Variants in MACF1 observed in about 807,000 individuals in gnomAD.
MACF1 encodes microtubule-actin cross-linking factor 1.
MACF1 carries 193 observed loss-of-function variants against 854.8 expected under a neutral mutation model. That is an observed-to-expected ratio of 0.23 (90% CI 0.20 to 0.25). MACF1 has a LOEUF of 0.25. Among genes scored for constraint, MACF1 ranks in the 10% least tolerant of loss-of-function variants. The probability of loss-of-function intolerance (pLI) is 1.00; values close to 1 mark genes in which losing one functional copy is unlikely to be tolerated. For synonymous variants in MACF1, 3,185 were observed against 3,226.7 expected (o/e 0.99, Z 0.44); for missense variants, 7,722 against 8,929.1 (o/e 0.86, Z 5.45).
intron 2 of MACF1, among the ~76,000 whole-genome samples, chr1:39,145,010 G>A (rs536240734): frequency 3.3e-5 from 5 of 152,016 alleles, no homozygotes; most frequent in African/African-American, 1.2e-4. Context: ...AATAGGGCTC[G>A]TACTGGCATT....
intron 68 of MACF1, 130 bp downstream of exon 68, chr1:39,433,285 G>C (rs1643907191): frequency 1.8e-6 from 1 of 554,768 alleles, no homozygotes; most frequent in Admixed American, 3.4e-5. Flanking sequence ...TTAAAGTCCA[G>C]CTTGATGTTC....
At chr1:39,185,108 G>A (rs904225409) in intron 2 of MACF1, among the ~76,000 whole-genome samples, 2 of 151,872 alleles carry the variant, frequency 1.3e-5, no homozygotes, top group African/African-American at 2.4e-5. Flanking sequence ...TGGCTAACAC[G>A]GTGAAACCCC....
chr1:39,258,779 G>A (rs1424208038), intron 6 of MACF1, among the ~76,000 whole-genome samples: 1 of 152,224 alleles, frequency 6.6e-6, no homozygotes, highest in Admixed American at 6.5e-5. Flanking sequence ...ATAGAAGGCA[G>A]GGTGCCGACT....
At chr1:39,349,776 C>T in intron 42 of MACF1, 149 bp downstream of exon 42, 1 of 763,792 alleles carries the variant, frequency 1.3e-6, no homozygotes, top group Non-Finnish European at 2.0e-6. Flanking sequence ...GGGACAAAGT[C>T]ATGAGCCACC....
chr1:39,430,058 A>G lies in MACF1; in HGVS notation c.17120A>G (p.Gln5707Arg), dbSNP rs1179114178. 1 of 1,613,838 alleles carries G rather than the reference A, an allele frequency of 6.2e-7. No homozygotes were observed. The highest frequency in any genetic ancestry group is 1.7e-4 in the Middle Eastern group (1 of 6,050). Residue 5707 changes from glutamine to arginine, a missense_variant, in exon 65 of 101, where the codon CAG (glutamine) becomes CGG (arginine). Gln to Arg is a conservative substitution (Grantham distance 43). Transcript: ENST00000564288. ...GGGGAACAGATACCCCAGTTTCAGC[A>G]GAGACAGAAGGTGAGCTGTTACTTT... is the stretch of plus-strand genomic sequence containing the variant. ...PTGEQIPQFQQRQKELKKEVM... is the reference protein window; with the variant it reads ...PTGEQIPQFQRRQKELKKEVM...
At chr1:39,265,465 A>G (rs1413843343) in intron 6 of MACF1, among the ~76,000 whole-genome samples, 1 of 152,232 alleles carries the variant, frequency 6.6e-6, no homozygotes, top group Non-Finnish European at 1.5e-5. Flanking sequence ...TCTCGTAATC[A>G]GAATTAACTT....
intron 59 of MACF1, 78 bp downstream of exon 59, chr1:39,422,613 A>T: frequency 6.5e-7 from 1 of 1,544,220 alleles, no homozygotes; most frequent in Non-Finnish European, 8.8e-7. Flanking sequence ...GGTTTCCCGA[A>T]ACCTGAATGG....
At chr1:39,242,425 G>T (rs1425310632) in intron 2 of MACF1, among the ~76,000 whole-genome samples, 3 of 151,408 alleles carry the variant, frequency 2.0e-5, no homozygotes, top group Non-Finnish European at 2.9e-5. Context: ...ATTGGACTTG[G>T]TCTCTCAAAA....
At chr1:39,180,742 C>T (rs940282942) in intron 2 of MACF1, among the ~76,000 whole-genome samples, 1 of 152,170 alleles carries the variant, frequency 6.6e-6, no homozygotes, top group Non-Finnish European at 1.5e-5. Flanking sequence ...GTAGAATGAG[C>T]CAAGGTCAGT....
intron 80 of MACF1, 24 bp from the exon 81 acceptor site, chr1:39,447,408 G>A: frequency 6.2e-7 from 1 of 1,612,210 alleles, no homozygotes; most frequent in Non-Finnish European, 8.5e-7. Flanking sequence ...CTTTCTGTGT[G>A]TGTGTGTTTT....
Position 39,212,967 on chromosome 1 carries a change from C to T in MACF1, c.109+7836C>T, listed in dbSNP as rs552743500. Among the ~76,000 whole-genome samples, 3 of 152,350 alleles carry T rather than the reference C, an allele frequency of 2.0e-5. No individual in the cohort carries two copies. In the South Asian group the frequency reaches 6.2e-4, roughly 32 times the overall value. ...TTTGTTACCCTTCCCAAGAATATTT[C>T]ACCTTCTTACATATACAACTCCTAT... On this transcript the variant is annotated intron_variant, in intron 1 of 100. Transcript: ENST00000564288.
chr1:39,448,975 C>T (rs1025392988), intron 84 of MACF1, among the ~76,000 whole-genome samples: 3 of 152,064 alleles, frequency 2.0e-5, no homozygotes, highest in African/African-American at 7.2e-5. Flanking sequence ...TAGAGAGAGG[C>T]CTATAAAATC....
At chr1:39,288,869 A>G (rs1185943205) in intron 15 of MACF1, among the ~76,000 whole-genome samples, 2 of 152,204 alleles carry the variant, frequency 1.3e-5, no homozygotes, top group East Asian at 1.9e-4. Context: ...ATCAGATGCT[A>G]GGTATTATTC....
intron 15 of MACF1, 142 bp downstream of exon 15, chr1:39,287,704 G>C: frequency 1.0e-6 from 1 of 952,560 alleles, no homozygotes; most frequent in Non-Finnish European, 1.6e-6. Context: ...ATGGGGTCTT[G>C]CTATGTTGCC....
intron 55 of MACF1, among the ~76,000 whole-genome samples, chr1:39,381,201 G>T (rs988986480): frequency 1.3e-5 from 2 of 152,000 alleles, no homozygotes; most frequent in African/African-American, 4.8e-5. Context: ...GGCATTGCAG[G>T]CATGCGCCAC....
chr1:39,427,533 T>C lies in MACF1; in HGVS notation c.16395T>C (p.Ser5465=), dbSNP rs757632972. ...ETAEPISDFL[S]VTEKKLANSE... is the part of the protein sequence containing the mutation. ...CTGAGCCTATTTCTGACTTCTTATC[T>C]GTCACAGAGAAAAAGCTTGCTAACT... is the stretch of plus-strand genomic sequence containing the variant. Residue 5465 remains serine, a synonymous_variant, in exon 62 of 101, where the codon TCT becomes TCC. Coordinates refer to ENST00000564288, the MANE Select transcript of MACF1 (RefSeq NM_001394062.1). 2 of 1,614,128 alleles carry C rather than the reference T, an allele frequency of 1.2e-6. No individual in the cohort carries two copies. The highest frequency in any genetic ancestry group is 1.3e-5 in the African/African-American group (1 of 75,038).
chr1:39,480,978 G>GCAC lies in MACF1; in HGVS notation c.22231_22233dup (p.Thr7411dup). ...CCCTGGTTGGTAAACAGTAAAGCTG[G>GCAC]CACCCCTATCAGGGACAGCCATTCT... On this transcript the variant is annotated inframe_insertion, in exon 99 of 101. Transcript: ENST00000564288. The GCAC allele has an allele frequency of 1.3e-6, 2 of 1,550,678 alleles. No homozygotes were observed. Among genetic ancestry groups the GCAC allele is most frequent in the Non-Finnish European group, 1.7e-6 (2 of 1,146,978 alleles).
At chr1:39,405,683 A>G (rs1026736984) in intron 58 of MACF1, among the ~76,000 whole-genome samples, 1 of 152,252 alleles carries the variant, frequency 6.6e-6, no homozygotes, top group Non-Finnish European at 1.5e-5. Context: ...CTAACACCAA[A>G]TTCTGTACTT....
intron 28 of MACF1, 98 bp downstream of exon 28, chr1:39,316,627 A>G (rs1402553832): frequency 8.1e-7 from 1 of 1,232,526 alleles, no homozygotes; most frequent in African/African-American, 1.5e-5. Context: ...ACTGATTTAA[A>G]TTTGCATTTG....
Sources: allele counts gnomAD v4.1 joint callset (sites outside exome capture counted in the v4.1 genomes callset), GRCh38; gene constraint gnomAD v4.1.1; transcripts MANE v1.5; gene names NCBI Gene and HGNC (gene_info 2026-07-23, HGNC 2026-07-21).